The following HS6ST3 variants were observed in gnomAD, a reference collection of about 807,000 sequenced individuals.
HS6ST3 encodes heparan sulfate 6-O-sulfotransferase 3, also known as heparan-sulfate 6-O-sulfotransferase 3.
In HS6ST3, 12 loss-of-function variants were observed where a neutral mutation model predicts 36.7. That is an observed-to-expected ratio of 0.33 (90% CI 0.21 to 0.53). The LOEUF is 0.53. Ranked by LOEUF, HS6ST3 falls within the 20% of genes least tolerant of loss-of-function variation. HS6ST3 has a pLI of 0.95. For synonymous variants in HS6ST3, 240 were observed against 257.5 expected (o/e 0.93, Z 0.65); for missense variants, 584 against 640.9 (o/e 0.91, Z 0.96).
chr13:96,396,847 C>T (rs1379902906), intron 1 of HS6ST3, among the ~76,000 whole-genome samples: 1 of 152,164 alleles, frequency 6.6e-6, no homozygotes, highest in Non-Finnish European at 1.5e-5. Context: ...AAAACAAGTG[C>T]ATGGCAAAGG....
At chr13:96,335,746 G>A (rs919901161) in intron 1 of HS6ST3, among the ~76,000 whole-genome samples, 5 of 152,050 alleles carry the variant, frequency 3.3e-5, no homozygotes, top group South Asian at 4.2e-4. Context: ...GATTTCCTCC[G>A]GCCTTCAGGG....
At chr13:96,784,583 T>A (rs1451011510) in intron 1 of HS6ST3, among the ~76,000 whole-genome samples, 1 of 152,182 alleles carries the variant, frequency 6.6e-6, no homozygotes, top group African/African-American at 2.4e-5. Flanking sequence ...TAGATTTCTA[T>A]TTCAAACAAC....
intron 1 of HS6ST3, among the ~76,000 whole-genome samples, chr13:96,564,156 A>G (rs768688914): frequency 4.6e-5 from 7 of 152,206 alleles, no homozygotes; most frequent in Non-Finnish European, 1.0e-4. Context: ...TCCACAGAGC[A>G]TGAGTAATTA....
chr13:96,611,365 TTAG>T (rs1207526815), intron 1 of HS6ST3, among the ~76,000 whole-genome samples: 3 of 151,936 alleles, frequency 2.0e-5, no homozygotes, highest in Non-Finnish European at 4.4e-5. Flanking sequence ...TTGGAGAGAT[TTAG>T]TAGTAGTTTT....
intron 1 of HS6ST3, among the ~76,000 whole-genome samples, chr13:96,827,713 C>G (rs566729337): frequency 3.5e-4 from 53 of 152,138 alleles, no homozygotes; most frequent in Non-Finnish European, 6.9e-4. Context: ...TAAATATCAT[C>G]CTACAATTTG....
intron 1 of HS6ST3, among the ~76,000 whole-genome samples, chr13:96,695,810 T>C (rs1349143915): frequency 6.6e-6 from 1 of 152,096 alleles, no homozygotes; most frequent in Admixed American, 6.6e-5. Context: ...ATAAGGTTCA[T>C]GATGTTCAAC....
At position 96,565,310 on chromosome 13, in the gene HS6ST3, AC is replaced by A. The variant is rs547284646; in HGVS notation, c.708-267179del. ...CTTATATAAAGTAACAGAAGGGGATACTAATGAGGAGTGATCCAGTTTGCTC... is the reference window on the plus strand; with the variant it reads ...CTTATATAAAGTAACAGAAGGGGATATAATGAGGAGTGATCCAGTTTGCTC... On this transcript the variant is annotated intron_variant, in intron 1 of 1. Coordinates refer to ENST00000376705, the MANE Select transcript of HS6ST3 (RefSeq NM_153456.4). 2.6e-3 allele frequency among the ~76,000 whole-genome samples: 393 copies of A among 152,220 alleles called. 1 individual carries two copies. The highest frequency in any genetic ancestry group is 9.0e-3 in the African/African-American group (374 of 41,556).
intron 1 of HS6ST3, among the ~76,000 whole-genome samples, chr13:96,301,343 A>G (rs954885935): frequency 8.5e-5 from 13 of 152,214 alleles, no homozygotes; most frequent in Non-Finnish European, 1.5e-5. Context: ...TCTCGCACTT[A>G]AAGCCAAAGT....
intron 1 of HS6ST3, among the ~76,000 whole-genome samples, chr13:96,298,811 T>A (rs1201464785): frequency 6.6e-6 from 1 of 152,176 alleles, no homozygotes; most frequent in East Asian, 1.9e-4. Context: ...GAGTACCTAT[T>A]CTTTGTCATG....
chr13:96,695,897 C>G (rs983084617), intron 1 of HS6ST3, among the ~76,000 whole-genome samples: 1 of 152,058 alleles, frequency 6.6e-6, no homozygotes, highest in African/African-American at 2.4e-5. Flanking sequence ...AAGAATCAGG[C>G]CTTCTGAATC....
chr13:96,788,764 T>C (rs1877714310), intron 1 of HS6ST3, among the ~76,000 whole-genome samples: 1 of 151,938 alleles, frequency 6.6e-6, no homozygotes, highest in African/African-American at 2.4e-5. Flanking sequence ...GACCCTCTTA[T>C]TATCATGTAA....
At chr13:96,104,984 A>G (rs1458698366) in intron 1 of HS6ST3, among the ~76,000 whole-genome samples, 1 of 152,086 alleles carries the variant, frequency 6.6e-6, no homozygotes, top group Non-Finnish European at 1.5e-5. Context: ...TCAAGATTGG[A>G]AAGGACACAA....
At chr13:96,297,010 T>C (rs2054858060) in intron 1 of HS6ST3, among the ~76,000 whole-genome samples, 1 of 152,124 alleles carries the variant, frequency 6.6e-6, no homozygotes, top group Admixed American at 6.6e-5. Flanking sequence ...CTAAAATGCA[T>C]GTTTGATCAT....
chr13:96,630,979 A>C (rs2056530235), intron 1 of HS6ST3, among the ~76,000 whole-genome samples: 1 of 152,184 alleles, frequency 6.6e-6, no homozygotes, highest in Non-Finnish European at 1.5e-5. Context: ...TTAGAAGTAC[A>C]GCTTATTATA....
intron 1 of HS6ST3, among the ~76,000 whole-genome samples, chr13:96,516,729 T>C (rs1465301280): frequency 1.3e-5 from 2 of 152,230 alleles, no homozygotes; most frequent in African/African-American, 4.8e-5. Flanking sequence ...CTAGTCTTGG[T>C]GGACTGACAA....
chr13:96,175,535 T>G (rs1212646141), intron 1 of HS6ST3, among the ~76,000 whole-genome samples: 1 of 152,164 alleles, frequency 6.6e-6, no homozygotes, highest in Non-Finnish European at 1.5e-5. Flanking sequence ...TTTTTTTTGT[T>G]CTTTTTTTTC....
chr13:96,667,666 G>A (rs1040798064), intron 1 of HS6ST3, among the ~76,000 whole-genome samples: 4 of 152,086 alleles, frequency 2.6e-5, no homozygotes, highest in African/African-American at 9.7e-5. Context: ...TTTTTGTTCA[G>A]CAATGTTACA....
At chr13:96,170,125 A>C (rs560148757) in intron 1 of HS6ST3, among the ~76,000 whole-genome samples, 3 of 152,368 alleles carry the variant, frequency 2.0e-5, no homozygotes, top group East Asian at 3.9e-4. Context: ...CACTGATAAT[A>C]TAAGTGTTTA....
At chr13:96,604,317 T>G (rs2056431286) in intron 1 of HS6ST3, among the ~76,000 whole-genome samples, 1 of 152,194 alleles carries the variant, frequency 6.6e-6, no homozygotes, top group Admixed American at 6.5e-5. Context: ...GTAAAAATAT[T>G]TTTTAAAATA....
Sources: allele counts gnomAD v4.1 joint callset (sites outside exome capture counted in the v4.1 genomes callset), GRCh38; gene constraint gnomAD v4.1.1; transcripts MANE v1.5; gene names NCBI Gene and HGNC (gene_info 2026-07-23, HGNC 2026-07-21).